The following WWOX variants were observed in gnomAD, a reference collection of about 807,000 sequenced individuals.
The protein encoded by WWOX is WW domain containing oxidoreductase.
WWOX carries 69 observed loss-of-function variants against 46.2 expected under a neutral mutation model. The observed-to-expected ratio is 1.49, with a 90% CI of 1.23 to 1.82. The LOEUF is 1.82. Ranked by LOEUF, WWOX falls within the 40% of genes most tolerant of loss-of-function variation. WWOX has a pLI of 0.00. For missense variants in WWOX, 919 were observed against 542.6 expected (o/e 1.69, Z -6.89); for synonymous variants, 359 against 202.6 (o/e 1.77, Z -6.56).
In WWOX at chr16:78,407,158, C is replaced by T. The variant is rs530476469; in HGVS notation, c.606-17712C>T. Among the ~76,000 whole-genome samples the T allele has an allele frequency of 3.7e-3, 566 of 152,236 alleles. 3 individuals carry two copies. The highest frequency in any genetic ancestry group is 0.012 in the African/African-American group (490 of 41,548). ...TTAAGCAGGGGTCAAACTTAGAATT[C>T]TACATTATTTTTTTCCCTTTTCTGG... On this transcript the variant is annotated intron_variant, in intron 6 of 8. Transcript: ENST00000566780.
chr16:79,106,378 C>A (rs1415695505), intron 8 of WWOX, among the ~76,000 whole-genome samples: 1 of 152,126 alleles, frequency 6.6e-6, no homozygotes, highest in Non-Finnish European at 1.5e-5. Flanking sequence ...TTCACACTCA[C>A]CTACTTCTCA....
At chr16:79,077,639 C>A (rs2048682844) in intron 8 of WWOX, 1 of 120,220 alleles carries the variant, frequency 8.3e-6, no homozygotes, top group Non-Finnish European at 1.9e-5. Flanking sequence ...TAAATGGTCC[C>A]CCCTTTTTTT....
At chr16:79,169,185 T>C (rs1003309898) in intron 8 of WWOX, among the ~76,000 whole-genome samples, 5 of 152,232 alleles carry the variant, frequency 3.3e-5, no homozygotes, top group Non-Finnish European at 7.3e-5. Flanking sequence ...TTAAATAACA[T>C]GTCCAAAGTC....
chr16:78,654,178 G>A (rs1597398744), intron 8 of WWOX, among the ~76,000 whole-genome samples: 2 of 152,210 alleles, frequency 1.3e-5, no homozygotes, highest in Admixed American at 6.5e-5. Context: ...AGTTCAAATT[G>A]CCTTCGGCTC....
chr16:78,301,882 G>T (rs539305127), intron 5 of WWOX, among the ~76,000 whole-genome samples: 2 of 151,966 alleles, frequency 1.3e-5, no homozygotes, highest in Non-Finnish European at 2.9e-5. Flanking sequence ...ACATATCTTA[G>T]ATCACAGAGT....
intron 5 of WWOX, among the ~76,000 whole-genome samples, chr16:78,348,127 A>G (rs1172210281): frequency 8.2e-6 from 1 of 122,652 alleles, no homozygotes; most frequent in African/African-American, 2.8e-5. Flanking sequence ...TGCAATGGGA[A>G]CAGAGCTGAG....
intron 8 of WWOX, among the ~76,000 whole-genome samples, chr16:78,894,020 T>TTTTTTATTATTATTATTATTA (rs1555561420): frequency 7.1e-6 from 1 of 140,080 alleles, no homozygotes; most frequent in Non-Finnish European, 1.5e-5. Flanking sequence ...TATTGAGGCT[T>TTTTTTATTATTATTATTATTA]TTATTATTAT....
intron 8 of WWOX, among the ~76,000 whole-genome samples, chr16:79,013,468 C>G (rs1428851911): frequency 1.3e-5 from 2 of 152,074 alleles, no homozygotes; most frequent in South Asian, 2.1e-4. Context: ...TCTGTGTGCT[C>G]TTCTAAGAGT....
intron 5 of WWOX, among the ~76,000 whole-genome samples, chr16:78,283,693 A>T (rs1355734847): frequency 6.6e-6 from 1 of 152,088 alleles, no homozygotes; most frequent in African/African-American, 2.4e-5. Context: ...GACATCGAAA[A>T]ATTAAAAAAG....
At chr16:79,195,754 G>C (rs2051227447) in intron 8 of WWOX, among the ~76,000 whole-genome samples, 1 of 152,152 alleles carries the variant, frequency 6.6e-6, no homozygotes, top group Admixed American at 6.6e-5. Context: ...TGTGTTTTGG[G>C]GAAACACTCC....
intron 8 of WWOX, among the ~76,000 whole-genome samples, chr16:78,875,210 C>T (rs1357712405): frequency 1.3e-5 from 2 of 152,086 alleles, no homozygotes; most frequent in South Asian, 2.1e-4. Flanking sequence ...GAGGAAGAGC[C>T]AGCTCAAATT....
chr16:78,844,661 CAAATT>C (rs1567599500), intron 8 of WWOX, among the ~76,000 whole-genome samples: 4 of 152,168 alleles, frequency 2.6e-5, no homozygotes, highest in African/African-American at 7.2e-5. Flanking sequence ...TTAATATCCT[CAAATT>C]AAAACATACC....
chr16:78,328,400 A>G (rs961646627), intron 5 of WWOX, among the ~76,000 whole-genome samples: 5 of 152,216 alleles, frequency 3.3e-5, no homozygotes, highest in Non-Finnish European at 7.3e-5. Context: ...ATCCTTCAAC[A>G]CATACTTGGA....
In WWOX at chr16:78,741,308, C is replaced by T. The variant is rs567323571; in HGVS notation, c.1056+308556C>T. ...AGGCGCGGTGGCTCACGCCTGTAAT[C>T]CCAGCATTTTGGGAGGCCAAGGTGG... On this transcript the variant is annotated intron_variant, in intron 8 of 8. Transcript: ENST00000566780. Among the ~76,000 whole-genome samples, 3 of 152,308 alleles carry T rather than the reference C, an allele frequency of 2.0e-5. No individual in the cohort carries two copies. In the East Asian group the frequency reaches 5.8e-4, roughly 29 times the overall value.
intron 8 of WWOX, among the ~76,000 whole-genome samples, chr16:78,675,896 T>C (rs1012617139): frequency 6.6e-6 from 1 of 152,060 alleles, no homozygotes; most frequent in Non-Finnish European, 1.5e-5. Flanking sequence ...TATAGAAAAT[T>C]TGGAAAATGT....
intron 6 of WWOX, among the ~76,000 whole-genome samples, chr16:78,410,322 G>C (rs984697008): frequency 1.2e-4 from 19 of 152,108 alleles, no homozygotes; most frequent in African/African-American, 3.4e-4. Context: ...AACACACAAG[G>C]TCTTACCCTT....
intron 5 of WWOX, among the ~76,000 whole-genome samples, chr16:78,189,181 A>G (rs531178427): frequency 9.8e-5 from 15 of 152,296 alleles, no homozygotes; most frequent in African/African-American, 3.1e-4. Flanking sequence ...TCTCAAGACT[A>G]GGAATACCTA....
chr16:79,202,434 A>G (rs1023105233), intron 8 of WWOX, among the ~76,000 whole-genome samples: 2 of 152,244 alleles, frequency 1.3e-5, no homozygotes, highest in African/African-American at 2.4e-5. Context: ...AAAGATCCAA[A>G]GAAACCTACC....
intron 8 of WWOX, among the ~76,000 whole-genome samples, chr16:78,587,225 A>G (rs1219481188): frequency 8.0e-6 from 1 of 125,488 alleles, no homozygotes; most frequent in South Asian, 2.5e-4. Flanking sequence ...TTGTAGAAAC[A>G]GAGTCTCTCT....
Sources: allele counts gnomAD v4.1 joint callset (sites outside exome capture counted in the v4.1 genomes callset), GRCh38; gene constraint gnomAD v4.1.1; transcripts MANE v1.5; gene names NCBI Gene and HGNC (gene_info 2026-07-23, HGNC 2026-07-21).